The following STYK1 variants were observed in gnomAD, a reference collection of about 807,000 sequenced individuals.
The protein encoded by STYK1 is STY kinase 1, also known as tyrosine-protein kinase STYK1.
STYK1 carries 46 observed loss-of-function variants against 48.1 expected under a neutral mutation model. That is an observed-to-expected ratio of 0.96 (90% CI 0.75 to 1.22). The LOEUF (loss-of-function observed/expected upper bound fraction) is 1.22. STYK1 is among the 50% of genes most tolerant of loss of function. The pLI is 0.00. For synonymous variants in STYK1, 188 were observed against 189.0 expected, an observed-to-expected ratio of 0.99 and a Z score of 0.04; for missense variants, 527 against 521.1, an observed-to-expected ratio of 1.01 and a Z score of -0.11.
intron 5 of STYK1, 85 bp from the exon 6 acceptor site, chr12:10,629,759 G>A: frequency 1.3e-6 from 2 of 1,512,722 alleles, no homozygotes; most frequent in Non-Finnish European, 1.8e-6. Context: ...AACTTAAGAT[G>A]TTAATTCTCA....
chr12:10,648,214 A>T (rs1947621934), intron 1 of STYK1, among the ~76,000 whole-genome samples: 1 of 152,184 alleles, frequency 6.6e-6, no homozygotes. Flanking sequence ...TATATTTTTG[A>T]TTCACCTGTA....
chr12:10,621,790 T>C (rs958711161), intron 10 of STYK1, 86 bp downstream of exon 10: 30 of 1,225,854 alleles, frequency 2.4e-5, no homozygotes, highest in Non-Finnish European at 3.5e-5. Context: ...GTGAGGATCA[T>C]CTGAGCCCTT....
rs141588195 is a variant in STYK1, at chr12:10,631,282, C to A, written c.214G>T (p.Asp72Tyr). The A allele has an allele frequency of 6.2e-7, 1 of 1,614,170 alleles. No homozygotes were observed. The highest frequency in any genetic ancestry group is 8.5e-7 in the Non-Finnish European group (1 of 1,180,016). Residue 72 changes from aspartate to tyrosine, a missense_variant, in exon 5 of 11, where the codon GAC (aspartate) becomes TAC (tyrosine). Asp to Tyr is a radical substitution (Grantham distance 160). Transcript: ENST00000075503. Reference sequence around the variant, plus strand: ...CCATGTCCTGCTTCCCAGCTTAGGTCCCTAGGTGGAGGAACAGGGGCAATG... The same window carrying A: ...CCATGTCCTGCTTCCCAGCTTAGGTACCTAGGTGGAGGAACAGGGGCAATG... ...QGIAPVPPPR[D>Y]LSWEAGHGGN... is the part of the protein sequence containing the mutation.
intron 6 of STYK1, 84 bp from the exon 7 acceptor site, chr12:10,627,808 T>C (rs1201211215): frequency 1.3e-5 from 15 of 1,131,922 alleles, no homozygotes; most frequent in Admixed American, 2.3e-5. Flanking sequence ...AGAGATACTC[T>C]GAAATGCAGT....
chr12:10,648,302 T>C (rs1488416856), intron 1 of STYK1, among the ~76,000 whole-genome samples: 1 of 152,170 alleles, frequency 6.6e-6, no homozygotes, highest in East Asian at 1.9e-4. Flanking sequence ...ATATTGGGTT[T>C]GTGATAACTT....
chr12:10,641,835 G>C (rs1334095813), intron 1 of STYK1, among the ~76,000 whole-genome samples: 1 of 152,194 alleles, frequency 6.6e-6, no homozygotes, highest in East Asian at 1.9e-4. Flanking sequence ...CCTCCCTAGG[G>C]AGTGGGTCAG....
chr12:10,654,197 T>C (rs372937319), intron 1 of STYK1, among the ~76,000 whole-genome samples: 8 of 152,240 alleles, frequency 5.3e-5, no homozygotes, highest in African/African-American at 1.9e-4. Context: ...TAAAAAAGGG[T>C]GGAACCTTCA....
intron 6 of STYK1, 23 bp from the exon 7 acceptor site, chr12:10,627,747 C>G (rs1006271573): frequency 1.3e-6 from 2 of 1,582,180 alleles, no homozygotes; most frequent in Non-Finnish European, 1.7e-6. Flanking sequence ...GGAAAAAAAG[C>G]CATTATATCA....
rs115389722 is a variant in STYK1, at chr12:10,628,592, C to T, written c.634-868G>A. Among the ~76,000 whole-genome samples, 1,049 of 152,246 alleles carry T rather than the reference C, an allele frequency of 6.9e-3. 8 individuals carry two copies. The highest frequency in any genetic ancestry group is 0.024 in the African/African-American group (993 of 41,548). On this transcript the variant is annotated intron_variant, in intron 6 of 10. Transcript: ENST00000075503. ...AATAACAGGGTCCCTTTCTCATACA[C>T]ATTCAGTTGTACAATAATCAGCATA...
At chr12:10,641,018 TC>T (rs2120692044) in intron 1 of STYK1, among the ~76,000 whole-genome samples, 1 of 152,356 alleles carries the variant, frequency 6.6e-6, no homozygotes, top group South Asian at 2.1e-4. Flanking sequence ...CCATAATCCT[TC>T]ATCTACCAGT....
chr12:10,643,351 T>C (rs1340509159), intron 1 of STYK1, among the ~76,000 whole-genome samples: 2 of 152,166 alleles, frequency 1.3e-5, no homozygotes, highest in African/African-American at 4.8e-5. Flanking sequence ...TCTACTTCAT[T>C]CCTATTTCAT....
At chr12:10,624,581 T>C in intron 8 of STYK1, 70 bp downstream of exon 8, 8 of 1,416,476 alleles carry the variant, frequency 5.6e-6, no homozygotes, top group Non-Finnish European at 6.9e-6. Context: ...TGGCAACAGA[T>C]CAAATCATAT....
chr12:10,637,263 A>G (rs1947496177), intron 1 of STYK1, 67 bp from the exon 2 acceptor site: 1 of 152,184 alleles, frequency 6.6e-6, no homozygotes, highest in South Asian at 2.1e-4. Context: ...CCATATGTGT[A>G]TACAATAAAC....
chr12:10,623,171 T>G (rs1440173935), intron 8 of STYK1, among the ~76,000 whole-genome samples: 1 of 152,224 alleles, frequency 6.6e-6, no homozygotes, highest in Non-Finnish European at 1.5e-5. Flanking sequence ...GCTTTATATA[T>G]AGTTGAAATA....
At chr12:10,627,924 A>G (rs557549517) in intron 6 of STYK1, among the ~76,000 whole-genome samples, 200 bp from the exon 7 acceptor site, 2 of 152,262 alleles carry the variant, frequency 1.3e-5, no homozygotes, top group Non-Finnish European at 2.9e-5. Context: ...AAAAACAATG[A>G]CAGACATAGA....
chr12:10,657,844 A>G (rs1171767414), intron 1 of STYK1, among the ~76,000 whole-genome samples: 1 of 152,260 alleles, frequency 6.6e-6, no homozygotes, highest in Non-Finnish European at 1.5e-5. Flanking sequence ...ACATTGTAAC[A>G]TATAATTGAG....
At position 10,621,977 on chromosome 12, in the gene STYK1, C is replaced by T; in HGVS notation, c.968-5G>A. 1 of 1,612,218 alleles carries T rather than the reference C, an allele frequency of 6.2e-7. No individual in the cohort carries two copies. The highest frequency in any genetic ancestry group is 8.5e-7 in the Non-Finnish European group (1 of 1,178,830). On this transcript the variant is annotated splice_polypyrimidine_tract_variant and splice_region_variant and intron_variant, in intron 9 of 10. Transcript: ENST00000075503. ...CTTCAGGATACGGTGGTGCTCCTGT[C>T]ATTACGAAAATAATGAGAACTTTAA...
chr12:10,652,645 C>G (rs1211025257), intron 1 of STYK1, among the ~76,000 whole-genome samples: 2 of 152,156 alleles, frequency 1.3e-5, no homozygotes, highest in Non-Finnish European at 2.9e-5. Context: ...CTTTCACAGA[C>G]TTTCAAGCCA....
At chr12:10,621,548 A>G (rs1334837662) in intron 10 of STYK1, among the ~76,000 whole-genome samples, 2 of 152,198 alleles carry the variant, frequency 1.3e-5, no homozygotes, top group Non-Finnish European at 2.9e-5. Context: ...CATTGGGTTT[A>G]GTTTACTTGT....
Sources: allele counts gnomAD v4.1 joint callset (sites outside exome capture counted in the v4.1 genomes callset), GRCh38; gene constraint gnomAD v4.1.1; transcripts MANE v1.5; gene names NCBI Gene and HGNC (gene_info 2026-07-23, HGNC 2026-07-21).